Variants in OPCML observed in about 807,000 individuals in gnomAD.
OPCML encodes opioid-binding protein/cell adhesion molecule.
A neutral mutation model predicts 37.8 loss-of-function variants in OPCML; 13 were observed. That is an observed-to-expected ratio of 0.34 (90% CI 0.22 to 0.55). The LOEUF (loss-of-function observed/expected upper bound fraction) is 0.55. Among genes scored for constraint, OPCML ranks in the 20% least tolerant of loss-of-function variants. The pLI is 0.91. For synonymous variants in OPCML, 176 were observed against 168.8 expected (o/e 1.04, Z -0.33); for missense variants, 341 against 435.6 (o/e 0.78, Z 1.93).
intron 2 of OPCML, among the ~76,000 whole-genome samples, chr11:132,925,826 G>A (rs1944971595): frequency 6.6e-6 from 1 of 152,100 alleles, no homozygotes; most frequent in Admixed American, 6.5e-5. Flanking sequence ...TGTGAGGATG[G>A]AGAGCCAGCC....
At position 132,588,927 on chromosome 11, in the gene OPCML, C is replaced by A. The variant is rs2096479060; in HGVS notation, c.380-59741G>T. Among the ~76,000 whole-genome samples the A allele has an allele frequency of 6.6e-5, 10 of 152,286 alleles. No homozygotes were observed. In the South Asian group the frequency reaches 2.1e-3, roughly 32 times the overall value. ...TTCTGTTCCAAGCAATGCAATCTAA[C>A]ATAATCTGCCCAAACTCGCATATAA... On this transcript the variant is annotated intron_variant, in intron 3 of 7. Transcript: ENST00000524381.
intron 1 of OPCML, among the ~76,000 whole-genome samples, chr11:133,144,378 G>A (rs1158919329): frequency 1.3e-5 from 2 of 152,178 alleles, no homozygotes; most frequent in Non-Finnish European, 2.9e-5. Flanking sequence ...TTGTTTAGAG[G>A]GTTGCCTTTT....
intron 1 of OPCML, among the ~76,000 whole-genome samples, chr11:133,282,020 AC>A (rs1942171157): frequency 6.7e-6 from 1 of 148,506 alleles, no homozygotes; most frequent in African/African-American, 2.5e-5. Flanking sequence ...AACAACAACA[AC>A]AACAAAAAAA....
At chr11:133,336,741 C>T (rs1943752292) in intron 1 of OPCML, among the ~76,000 whole-genome samples, 1 of 152,234 alleles carries the variant, frequency 6.6e-6, no homozygotes, top group Non-Finnish European at 1.5e-5. Flanking sequence ...AATGTCCTTG[C>T]TCTTAGCATC....
intron 2 of OPCML, among the ~76,000 whole-genome samples, chr11:132,835,520 T>G (rs1462297397): frequency 6.6e-6 from 1 of 152,180 alleles, no homozygotes; most frequent in Non-Finnish European, 1.5e-5. Flanking sequence ...CAGTTTTCTG[T>G]TCTCAGTTTG....
chr11:133,006,112 T>C, intron 1 of OPCML: 1 of 985,314 alleles, frequency 1.0e-6, no homozygotes. Context: ...ATGGGGTCAT[T>C]GTGAGACAGC....
At chr11:133,040,892 C>A (rs1212803813) in intron 1 of OPCML, among the ~76,000 whole-genome samples, 1 of 152,108 alleles carries the variant, frequency 6.6e-6, no homozygotes, top group Non-Finnish European at 1.5e-5. Flanking sequence ...GCAACGATAC[C>A]TGTAGATTTC....
At chr11:132,817,752 C>T (rs1939714699) in intron 2 of OPCML, among the ~76,000 whole-genome samples, 1 of 151,620 alleles carries the variant, frequency 6.6e-6, no homozygotes, top group Non-Finnish European at 1.5e-5. Flanking sequence ...CTTGTAACTG[C>T]CCCCCTCCCC....
intron 1 of OPCML, among the ~76,000 whole-genome samples, chr11:133,314,189 C>G (rs552418355): frequency 1.6e-4 from 20 of 123,782 alleles, no homozygotes; most frequent in Non-Finnish European, 2.5e-4. Context: ...GAGCCGAGAT[C>G]GCGCCACTGC....
intron 1 of OPCML, among the ~76,000 whole-genome samples, chr11:133,096,669 A>G (rs1949008447): frequency 6.6e-6 from 1 of 152,088 alleles, no homozygotes; most frequent in Non-Finnish European, 1.5e-5. Context: ...ATAGATAAAA[A>G]GTAAAGAGAC....
At chr11:132,564,328 A>G (rs893500047) in intron 3 of OPCML, among the ~76,000 whole-genome samples, 4 of 152,224 alleles carry the variant, frequency 2.6e-5, no homozygotes, top group Non-Finnish European at 5.9e-5. Flanking sequence ...TACTGGAGCC[A>G]GGCTGGGAGA....
chr11:133,268,734 A>G (rs1941731462), intron 1 of OPCML, among the ~76,000 whole-genome samples: 1 of 152,256 alleles, frequency 6.6e-6, no homozygotes, highest in Non-Finnish European at 1.5e-5. Context: ...ATCATCTTAT[A>G]AAAGAGAATT....
rs1487592063 is a variant in OPCML, at chr11:132,759,592, G to GTGT, written c.147-102276_147-102274dup. On this transcript the variant is annotated intron_variant, in intron 2 of 7. Transcript: ENST00000524381. ...GATTTTCTAGTTTATTTGTGTAGAG[G>GTGT]TGTTTATAATATTTTCTGATGGTAG... 3.9e-5 allele frequency among the ~76,000 whole-genome samples: 6 copies of GTGT among 152,096 alleles called. No individual in the cohort carries two copies. The East Asian group carries it at 1.2e-3, about 29-fold the overall frequency.
At chr11:132,767,428 A>G (rs555175854) in intron 2 of OPCML, among the ~76,000 whole-genome samples, 8 of 152,324 alleles carry the variant, frequency 5.3e-5, no homozygotes, top group African/African-American at 1.7e-4. Flanking sequence ...TTCAGAAACC[A>G]TGAGTCCACC....
chr11:133,234,507 C>T (rs1275640301), intron 1 of OPCML, among the ~76,000 whole-genome samples: 4 of 152,230 alleles, frequency 2.6e-5, no homozygotes, highest in Non-Finnish European at 5.9e-5. Flanking sequence ...CAGGGTCTTG[C>T]AGAGGACTTT....
chr11:132,970,703 G>T (rs1946322632), intron 1 of OPCML, among the ~76,000 whole-genome samples: 1 of 151,770 alleles, frequency 6.6e-6, no homozygotes, highest in Non-Finnish European at 1.5e-5. Flanking sequence ...ATACATTTTG[G>T]CCTATGTTGC....
chr11:133,041,828 G>A (rs749701635), intron 1 of OPCML, among the ~76,000 whole-genome samples: 2 of 152,000 alleles, frequency 1.3e-5, no homozygotes, highest in African/African-American at 2.4e-5. Context: ...GGTCTTCTTC[G>A]GGCCCCTCCA....
intron 4 of OPCML, among the ~76,000 whole-genome samples, chr11:132,483,402 C>G (rs1186491782): frequency 1.3e-5 from 2 of 151,952 alleles, no homozygotes; most frequent in Non-Finnish European, 2.9e-5. Flanking sequence ...AACCACTGCT[C>G]AATGAAATCA....
chr11:132,939,691 C>A (rs1340621049), intron 2 of OPCML, among the ~76,000 whole-genome samples: 3 of 152,182 alleles, frequency 2.0e-5, no homozygotes, highest in Admixed American at 6.5e-5. Flanking sequence ...GGCCATCATC[C>A]ATTCTGCTGA....
Sources: gnomAD v4.1 joint callset for allele counts (sites outside exome capture counted in the v4.1 genomes callset) on GRCh38, gnomAD v4.1.1 for gene constraint, MANE v1.5 for transcripts, NCBI Gene and HGNC (gene_info 2026-07-23, HGNC 2026-07-21) for gene names.